The following CDH12 variants were observed in gnomAD, a reference collection of about 807,000 sequenced individuals.
The protein encoded by CDH12 is cadherin-12.
Under a neutral mutation model 74.1 loss-of-function variants are expected in CDH12, and 41 were observed. That is an observed-to-expected ratio of 0.55 (90% CI 0.43 to 0.72). The LOEUF is 0.72. CDH12 is among the 30% of genes least tolerant of loss of function. The probability of loss-of-function intolerance (pLI) is 0.00; values close to 1 mark genes in which losing one functional copy is unlikely to be tolerated. For missense variants in CDH12, 945 were observed against 977.2 expected, an observed-to-expected ratio of 0.97 and a Z score of 0.44; for synonymous variants, 399 against 355.0, an observed-to-expected ratio of 1.12 and a Z score of -1.39.
At chr5:21,871,906 G>C (rs1751644007) in intron 6 of CDH12, among the ~76,000 whole-genome samples, 1 of 151,970 alleles carries the variant, frequency 6.6e-6, no homozygotes, top group African/African-American at 2.4e-5. Context: ...AGAAAAGGGA[G>C]GTTTTGAATA....
chr5:22,373,566 C>T (rs991017982), intron 3 of CDH12, among the ~76,000 whole-genome samples: 4 of 152,196 alleles, frequency 2.6e-5, no homozygotes, highest in African/African-American at 9.6e-5. Context: ...ACTGCTACCA[C>T]CACTGGTGCC....
intron 10 of CDH12, among the ~76,000 whole-genome samples, chr5:21,795,541 A>T (rs1315612875): frequency 2.6e-5 from 4 of 151,966 alleles, no homozygotes; most frequent in Non-Finnish European, 4.4e-5. Context: ...GCTGCTGTGC[A>T]GTTTATATAC....
chr5:22,160,731 GGGACCAAGGAGCTCAACTCCCTTGGGCCT>G (rs1328100635), intron 4 of CDH12, among the ~76,000 whole-genome samples: 2 of 152,070 alleles, frequency 1.3e-5, no homozygotes, highest in Admixed American at 6.5e-5. Context: ...CATGGTGAAA[GGGACCAAGGAGCTCAACTCCCTTGGGCCT>G]ATATTATAAG....
At chr5:22,760,803 A>G (rs926458059) in intron 1 of CDH12, among the ~76,000 whole-genome samples, 2 of 151,986 alleles carry the variant, frequency 1.3e-5, no homozygotes, top group African/African-American at 2.4e-5. Context: ...TAAACAGTGT[A>G]GTGTGCAATT....
intron 6 of CDH12, among the ~76,000 whole-genome samples, chr5:21,892,413 G>T (rs924805931): frequency 1.3e-5 from 2 of 152,066 alleles, no homozygotes; most frequent in African/African-American, 4.8e-5. Context: ...TGGGTTTAGG[G>T]TGGTGGCGGG....
chr5:22,810,384 C>A (rs115533862), intron 1 of CDH12, among the ~76,000 whole-genome samples: 116 of 152,098 alleles, frequency 7.6e-4, no homozygotes, highest in African/African-American at 2.7e-3. Context: ...GTTTGAATTG[C>A]CAGTTGTTAA....
At chr5:22,196,817 T>C (rs1400694646) in intron 4 of CDH12, among the ~76,000 whole-genome samples, 1 of 152,144 alleles carries the variant, frequency 6.6e-6, no homozygotes, top group African/African-American at 2.4e-5. Context: ...TAGCTCCTTG[T>C]TGGGTATTCT....
At chr5:22,122,896 C>T (rs968396948) in intron 4 of CDH12, among the ~76,000 whole-genome samples, 6 of 152,196 alleles carry the variant, frequency 3.9e-5, no homozygotes, top group African/African-American at 1.4e-4. Flanking sequence ...AGCCTTTGGA[C>T]TGGAACTACA....
chr5:22,744,648 G>A (rs535686871), intron 1 of CDH12, among the ~76,000 whole-genome samples: 2 of 151,934 alleles, frequency 1.3e-5, no homozygotes, highest in Non-Finnish European at 2.9e-5. Flanking sequence ...TTTATAGATA[G>A]CAACTGTAGA....
chr5:22,150,852 G>C (rs998032119), intron 4 of CDH12, among the ~76,000 whole-genome samples: 3 of 152,146 alleles, frequency 2.0e-5, no homozygotes, highest in African/African-American at 2.4e-5. Context: ...GCTCTTAACA[G>C]GTCAAGCTTA....
intron 1 of CDH12, among the ~76,000 whole-genome samples, chr5:22,590,374 T>C (rs1740641779): frequency 6.6e-6 from 1 of 152,100 alleles, no homozygotes. Flanking sequence ...CAATGACACA[T>C]GGAATTACCA....
intron 3 of CDH12, among the ~76,000 whole-genome samples, chr5:22,253,872 ATTG>A (rs1252427165): frequency 6.6e-6 from 1 of 151,950 alleles, no homozygotes; most frequent in East Asian, 1.9e-4. Context: ...ATGTGAACAG[ATTG>A]TTATTTTAAA....
intron 3 of CDH12, among the ~76,000 whole-genome samples, chr5:22,246,532 C>T (rs1372904597): frequency 6.6e-6 from 1 of 151,922 alleles, no homozygotes; most frequent in Non-Finnish European, 1.5e-5. Flanking sequence ...AATTTTAGTC[C>T]CCAGGCATTA....
chr5:21,862,350 T>C (rs953257337), intron 6 of CDH12, among the ~76,000 whole-genome samples: 3 of 152,154 alleles, frequency 2.0e-5, no homozygotes, highest in African/African-American at 4.8e-5. Flanking sequence ...TTAAGAATCA[T>C]CTGGCACAAT....
chr5:22,813,006 G>T (rs1393380608), intron 1 of CDH12, among the ~76,000 whole-genome samples: 1 of 152,116 alleles, frequency 6.6e-6, no homozygotes, highest in Non-Finnish European at 1.5e-5. Context: ...TGACCTAGCT[G>T]GGAACTGGTT....
At chr5:22,016,465 G>A (rs1218436736) in intron 5 of CDH12, among the ~76,000 whole-genome samples, 3 of 151,796 alleles carry the variant, frequency 2.0e-5, no homozygotes, top group Non-Finnish European at 4.4e-5. Flanking sequence ...GTGCAATCTC[G>A]ACTCACTTCA....
intron 1 of CDH12, among the ~76,000 whole-genome samples, chr5:22,552,827 G>C (rs1738634842): frequency 6.6e-6 from 1 of 152,102 alleles, no homozygotes. Context: ...TATCCCAATG[G>C]ATTCTGGCAC....
intron 1 of CDH12, among the ~76,000 whole-genome samples, chr5:22,546,137 G>A (rs918035983): frequency 4.6e-5 from 7 of 151,930 alleles, no homozygotes; most frequent in African/African-American, 1.7e-4. Context: ...GTAGACACAG[G>A]GTTTCACTAT....
chr5:22,454,510 G>A (rs970445255), intron 2 of CDH12, among the ~76,000 whole-genome samples: 2 of 151,930 alleles, frequency 1.3e-5, no homozygotes, highest in South Asian at 2.1e-4. Context: ...GTCTCATTCT[G>A]TCGGCCAGAC....
Sources: allele counts gnomAD v4.1 joint callset (sites outside exome capture counted in the v4.1 genomes callset), GRCh38; gene constraint gnomAD v4.1.1; transcripts MANE v1.5; gene names NCBI Gene and HGNC (gene_info 2026-07-23, HGNC 2026-07-21).